The following SLC24A4 variants were observed in gnomAD, a reference collection of about 807,000 sequenced individuals.
The protein encoded by SLC24A4 is solute carrier family 24 member 4, also known as sodium/potassium/calcium exchanger 4.
A neutral mutation model predicts 79.0 loss-of-function variants in SLC24A4; 53 were observed. The observed-to-expected ratio is 0.67, with a 90% CI of 0.54 to 0.84. SLC24A4 has a LOEUF of 0.84. Ranked by LOEUF, SLC24A4 falls within the 40% of genes least tolerant of loss-of-function variation. The probability of loss-of-function intolerance (pLI) is 0.00; values close to 1 mark genes in which losing one functional copy is unlikely to be tolerated. For synonymous variants in SLC24A4, 323 were observed against 323.8 expected, an observed-to-expected ratio of 1.00 and a Z score of 0.03; for missense variants, 731 against 822.0, an observed-to-expected ratio of 0.89 and a Z score of 1.35.
At chr14:92,379,609 TG>T (rs1888715171) in intron 2 of SLC24A4, among the ~76,000 whole-genome samples, 1 of 152,106 alleles carries the variant, frequency 6.6e-6, no homozygotes, top group African/African-American at 2.4e-5. Flanking sequence ...ATTCAAGGAC[TG>T]GTGAGCCCTT....
At chr14:92,407,384 A>G (rs763355146) in intron 2 of SLC24A4, among the ~76,000 whole-genome samples, 2 of 152,144 alleles carry the variant, frequency 1.3e-5, no homozygotes, top group Non-Finnish European at 2.9e-5. Context: ...CCATTACCCA[A>G]TTCCAAACTT....
chr14:92,468,952 A>G (rs997326745), intron 12 of SLC24A4, among the ~76,000 whole-genome samples: 1 of 151,672 alleles, frequency 6.6e-6, no homozygotes, highest in Non-Finnish European at 1.5e-5. Flanking sequence ...AAACTCAACA[A>G]TAAAAGACAA....
chr14:92,324,111 G>T, intron 1 of SLC24A4, 151 bp downstream of exon 1: 2 of 1,111,798 alleles, frequency 1.8e-6, no homozygotes, highest in Non-Finnish European at 1.2e-6. Context: ...GGTAGAGCGC[G>T]CCCAGAAGAG....
At chr14:92,407,660 A>C (rs1399618821) in intron 2 of SLC24A4, among the ~76,000 whole-genome samples, 1 of 151,430 alleles carries the variant, frequency 6.6e-6, no homozygotes, top group Non-Finnish European at 1.5e-5. Context: ...GAGAAGGGGG[A>C]GGTTCCACAG....
At chr14:92,395,388 A>C (rs1296896055) in intron 2 of SLC24A4, among the ~76,000 whole-genome samples, 2 of 151,576 alleles carry the variant, frequency 1.3e-5, no homozygotes, top group African/African-American at 4.9e-5. Context: ...AGCCTTAAGG[A>C]GCCTCCTTAC....
At chr14:92,424,654 G>A (rs1381436620) in intron 2 of SLC24A4, among the ~76,000 whole-genome samples, 1 of 151,726 alleles carries the variant, frequency 6.6e-6, no homozygotes, top group Non-Finnish European at 1.5e-5. Flanking sequence ...TTGAGGCCAG[G>A]AGTTTGAGAC....
At chr14:92,439,833 C>G (rs926453924) in intron 4 of SLC24A4, among the ~76,000 whole-genome samples, 12 of 152,220 alleles carry the variant, frequency 7.9e-5, no homozygotes, top group Admixed American at 5.2e-4. Flanking sequence ...GGGAATTCCC[C>G]TCTGTCCTGA....
In SLC24A4 at chr14:92,474,864, T is replaced by TATATATATATA. The variant is rs1491176639; in HGVS notation, c.1256-7816_1256-7815insATATATATATA. On this transcript the variant is annotated intron_variant, in intron 12 of 16. Coordinates refer to ENST00000532405, the MANE Select transcript of SLC24A4 (RefSeq NM_153646.4). ...GTGTGTATATATATATATATATATA[T>TATATATATATA]TTTTTTTTTTTTTAGTAGACACAGG... 6.6e-3 allele frequency among the ~76,000 whole-genome samples: 256 copies of TATATATATATA among 38,902 alleles called. 19 individuals are homozygous for TATATATATATA. In the East Asian group the frequency reaches 0.097, roughly 15 times the overall value. 25.5% of individuals were successfully genotyped at this position (38,902 alleles called of 152,430 possible). A position where few individuals can be genotyped will look rare whatever the true frequency, so the allele number is the denominator to read the frequency against.
chr14:92,453,575 C>G, intron 10 of SLC24A4: 1 of 240,098 alleles, frequency 4.2e-6, no homozygotes, highest in African/African-American at 2.3e-5. Context: ...CCTGGTAAGG[C>G]TTAGATAACG....
chr14:92,389,603 G>A (rs1003001104), intron 2 of SLC24A4, among the ~76,000 whole-genome samples: 1 of 152,096 alleles, frequency 6.6e-6, no homozygotes, highest in Non-Finnish European at 1.5e-5. Flanking sequence ...AGTCCTGCCC[G>A]CAAGGACCTA....
intron 2 of SLC24A4, among the ~76,000 whole-genome samples, chr14:92,372,126 A>C (rs1888203818): frequency 6.6e-6 from 1 of 152,196 alleles, no homozygotes; most frequent in African/African-American, 2.4e-5. Context: ...TCTGGCCTGC[A>C]TTTTGAAGGG....
intron 2 of SLC24A4, among the ~76,000 whole-genome samples, chr14:92,331,021 A>AG (rs1885448007): frequency 6.6e-6 from 1 of 152,326 alleles, no homozygotes; most frequent in African/African-American, 2.4e-5. Context: ...GAGAGACACC[A>AG]GGGGGACTTG....
At chr14:92,332,610 G>A (rs927383281) in intron 2 of SLC24A4, among the ~76,000 whole-genome samples, 1 of 152,158 alleles carries the variant, frequency 6.6e-6, no homozygotes, top group Non-Finnish European at 1.5e-5. Context: ...CAGCTGAGTG[G>A]GGGATTGGTA....
At chr14:92,415,567 C>T (rs574073583) in intron 2 of SLC24A4, among the ~76,000 whole-genome samples, 1 of 152,112 alleles carries the variant, frequency 6.6e-6, no homozygotes. Flanking sequence ...AAGTGATTCT[C>T]CTGCCTCAGT....
intron 2 of SLC24A4, among the ~76,000 whole-genome samples, chr14:92,404,275 CTCT>C: frequency 6.6e-6 from 1 of 152,336 alleles, no homozygotes; most frequent in Admixed American, 6.5e-5. Flanking sequence ...TCACTATAGC[CTCT>C]TCTTATGACA....
rs1481459646 is a variant in SLC24A4 at position 92,323,360 on chromosome 14, G to A, written c.-471G>A. 1 of 152,348 alleles carries A rather than the reference G, an allele frequency of 6.6e-6. No homozygotes were observed. Among genetic ancestry groups the A allele is most frequent in the Non-Finnish European group, 1.5e-5 (1 of 68,040 alleles). 9.4% of individuals were successfully genotyped at this position (152,348 alleles called of 1,614,324 possible). A position where few individuals can be genotyped will look rare whatever the true frequency, so the allele number is the denominator to read the frequency against. ...GGGGAACATCGCCGGCTGGCAGCCG[G>A]GGCGGCCGCCGCCAAACTTGGAGGA... On this transcript the variant is annotated 5_prime_UTR_variant, in exon 1 of 17. Coordinates refer to ENST00000532405, the MANE Select transcript of SLC24A4 (RefSeq NM_153646.4). This position sits in a 1 kb window ranked among gnomAD's most constrained non-coding sequence, Gnocchi z 4.9.
intron 2 of SLC24A4, among the ~76,000 whole-genome samples, chr14:92,428,334 GCAAGGGGGC>G (rs1484793553): frequency 6.6e-6 from 1 of 152,158 alleles, no homozygotes; most frequent in Non-Finnish European, 1.5e-5. Flanking sequence ...AACCCTAGCT[GCAAGGGGGC>G]CAAGCTCCTC....
At chr14:92,436,750 ATT>A (rs1174224289) in intron 3 of SLC24A4, among the ~76,000 whole-genome samples, 5 of 152,038 alleles carry the variant, frequency 3.3e-5, no homozygotes, top group Admixed American at 2.0e-4. Flanking sequence ...TTCTCTCCTC[ATT>A]GTTTCTCAGG....
intron 2 of SLC24A4, among the ~76,000 whole-genome samples, chr14:92,363,126 T>C (rs149115968): frequency 0.015 from 2,312 of 152,318 alleles, 32 homozygotes; most frequent in Non-Finnish European, 0.02. Flanking sequence ...CCCTCTTGGG[T>C]GGGTGCCACA....
Sources: allele counts gnomAD v4.1 joint callset (sites outside exome capture counted in the v4.1 genomes callset), GRCh38; gene constraint gnomAD v4.1.1; non-coding constraint Gnocchi (gnomAD v3.1); transcripts MANE v1.5; gene names NCBI Gene and HGNC (gene_info 2026-07-23, HGNC 2026-07-21).